Variants in GRM7 observed in about 807,000 individuals in gnomAD.
The protein encoded by GRM7 is metabotropic glutamate receptor 7.
GRM7 carries 35 observed loss-of-function variants against 84.5 expected under a neutral mutation model. The observed-to-expected ratio is 0.41, with a 90% CI of 0.32 to 0.55. GRM7 has a LOEUF of 0.55. Ranked by LOEUF, GRM7 falls within the 20% of genes least tolerant of loss-of-function variation. The pLI is 0.19. For synonymous variants in GRM7, 487 were observed against 455.1 expected (o/e 1.07, Z -0.89); for missense variants, 1,003 against 1,194.6 (o/e 0.84, Z 2.36).
intron 2 of GRM7, among the ~76,000 whole-genome samples, chr3:7,254,702 T>C (rs754824495): frequency 3.3e-5 from 5 of 152,242 alleles, no homozygotes; most frequent in Admixed American, 6.5e-5. Context: ...AGAGTCATAC[T>C]GCTCAGATTC....
chr3:7,721,572 TCAG>T (rs1282244265), intron 9 of GRM7, among the ~76,000 whole-genome samples: 3 of 152,222 alleles, frequency 2.0e-5, no homozygotes, highest in African/African-American at 7.2e-5. Context: ...TAAACTTACT[TCAG>T]CTAACCTAAC....
intron 1 of GRM7, among the ~76,000 whole-genome samples, chr3:6,988,298 T>A (rs546487878): frequency 6.6e-6 from 1 of 150,710 alleles, no homozygotes; most frequent in East Asian, 2.0e-4. Context: ...CGTGATCCAC[T>A]GCGCCCAGCC....
chr3:6,938,431 G>C (rs971589703), intron 1 of GRM7, among the ~76,000 whole-genome samples: 5 of 152,168 alleles, frequency 3.3e-5, no homozygotes, highest in Admixed American at 2.6e-4. Flanking sequence ...ACTGATCCTA[G>C]AGTCTTCAGT....
intron 1 of GRM7, among the ~76,000 whole-genome samples, chr3:7,117,110 C>T (rs1433419911): frequency 2.0e-5 from 3 of 152,116 alleles, no homozygotes; most frequent in African/African-American, 7.2e-5. Flanking sequence ...CAGGAATACA[C>T]AGAGAAATAA....
At chr3:7,679,266 C>T (rs1424228943) in intron 8 of GRM7, among the ~76,000 whole-genome samples, 1 of 152,142 alleles carries the variant, frequency 6.6e-6, no homozygotes, top group African/African-American at 2.4e-5. Context: ...ATCTAAAGGA[C>T]AGCCCAAATG....
chr3:7,444,246 G>T (rs1697412610), intron 5 of GRM7, among the ~76,000 whole-genome samples: 1 of 152,166 alleles, frequency 6.6e-6, no homozygotes, highest in African/African-American at 2.4e-5. Flanking sequence ...AGGTTTGGTT[G>T]AGGAATGAGC....
intron 1 of GRM7, among the ~76,000 whole-genome samples, chr3:6,997,723 C>T (rs1264684483): frequency 6.6e-6 from 1 of 152,166 alleles, no homozygotes; most frequent in African/African-American, 2.4e-5. Context: ...CACAAACACA[C>T]CTTCCCAACA....
At chr3:6,935,843 G>A (rs1697673058) in intron 1 of GRM7, among the ~76,000 whole-genome samples, 1 of 151,906 alleles carries the variant, frequency 6.6e-6, no homozygotes, top group South Asian at 2.1e-4. Context: ...TTACAGGTGT[G>A]TGCCAACACG....
chr3:7,541,627 C>A (rs17664833), intron 7 of GRM7, among the ~76,000 whole-genome samples: 4 of 152,040 alleles, frequency 2.6e-5, no homozygotes, highest in Non-Finnish European at 4.4e-5. Context: ...CATAAAAAAC[C>A]TAACTGGCCC....
intron 4 of GRM7, among the ~76,000 whole-genome samples, chr3:7,338,342 G>C (rs1226344708): frequency 6.6e-6 from 1 of 151,926 alleles, no homozygotes; most frequent in African/African-American, 2.4e-5. Context: ...TGGGGACTTG[G>C]GGGGAAGTGT....
chr3:6,942,787 A>C (rs533860447), intron 1 of GRM7, among the ~76,000 whole-genome samples: 1 of 152,228 alleles, frequency 6.6e-6, no homozygotes, highest in East Asian at 1.9e-4. Context: ...TTAACTTTTT[A>C]AGAAATTGCC....
chr3:7,015,850 G>GATA (rs1447911975), intron 1 of GRM7, among the ~76,000 whole-genome samples: 2 of 152,170 alleles, frequency 1.3e-5, no homozygotes, highest in Non-Finnish European at 2.9e-5. Context: ...GAGTGCCTTT[G>GATA]ATAACTTAGT....
intron 8 of GRM7, among the ~76,000 whole-genome samples, chr3:7,624,149 C>G (rs1697495571): frequency 6.6e-6 from 1 of 151,964 alleles, no homozygotes; most frequent in South Asian, 2.1e-4. Context: ...AAAAATTAAC[C>G]AAAGTCAATA....
At chr3:7,484,761 G>A (rs570452001) in intron 7 of GRM7, among the ~76,000 whole-genome samples, 3 of 152,170 alleles carry the variant, frequency 2.0e-5, no homozygotes, top group Non-Finnish European at 4.4e-5. Flanking sequence ...GGTGTTGAGT[G>A]CTCCTTACCT....
chr3:6,889,561 C>T (rs1279801534), intron 1 of GRM7, among the ~76,000 whole-genome samples: 1 of 152,144 alleles, frequency 6.6e-6, no homozygotes, highest in Non-Finnish European at 1.5e-5. Context: ...TTGAACCAGC[C>T]TTGCATCCCA....
At position 7,151,707 on chromosome 3, in the gene GRM7, G is replaced by A. The variant is rs78750864; in HGVS notation, c.736+5039G>A. Among the ~76,000 whole-genome samples the A allele has an allele frequency of 4.2e-3, 645 of 152,154 alleles. 2 individuals are homozygous for A. The highest frequency in any genetic ancestry group is 0.015 in the African/African-American group (605 of 41,532). On this transcript the variant is annotated intron_variant, in intron 2 of 9. Transcript: ENST00000357716. The surrounding 1 kb of genome is among the most constrained non-coding windows in gnomAD (Gnocchi z 4.5). ...TCCCCTTTGCCCTTTAGGAAAAAAG[G>A]AAGCATGTAGAGAAACACCTTACGA...
rs1444451633 is a variant in GRM7 at position 7,693,720 on chromosome 3, A to T, written c.2698+13425A>T. On this transcript the variant is annotated intron_variant, in intron 9 of 9. Coordinates refer to ENST00000357716, the MANE Select transcript of GRM7 (RefSeq NM_000844.4). The stretch of plus-strand genomic sequence containing the variant: ...AAGTATCTGTCCTTCTAAGTGTCCT[A>T]AGGAAGCTTTGCTACCCAGCCCACC... The T allele has an allele frequency of 2.9e-6, 4 of 1,398,324 alleles. No individual in the cohort carries two copies. The Admixed American group carries it at 7.9e-5, about 28-fold the overall frequency. The allele number at this position is 1,398,324 out of a possible 1,614,324, so 86.6% of individuals were successfully genotyped here. A position where few individuals can be genotyped will look rare whatever the true frequency, so the allele number is the denominator to read the frequency against.
At chr3:7,058,546 G>A (rs978118136) in intron 1 of GRM7, among the ~76,000 whole-genome samples, 1 of 151,772 alleles carries the variant, frequency 6.6e-6, no homozygotes, top group Admixed American at 6.6e-5. Context: ...TATATTAATG[G>A]TGTTTATTTT....
chr3:7,335,258 G>A (rs896451186), intron 4 of GRM7, among the ~76,000 whole-genome samples: 3 of 152,012 alleles, frequency 2.0e-5, no homozygotes, highest in African/African-American at 7.2e-5. Flanking sequence ...ACTCCAAGAG[G>A]AACCTTTAAA....
Sources: gnomAD v4.1 joint callset for allele counts (sites outside exome capture counted in the v4.1 genomes callset) on GRCh38, gnomAD v4.1.1 for gene constraint, Gnocchi (gnomAD v3.1) non-coding constraint, MANE v1.5 for transcripts, NCBI Gene and HGNC (gene_info 2026-07-23, HGNC 2026-07-21) for gene names.